Variants in MBL2 observed in about 807,000 individuals in gnomAD.
MBL2 encodes the protein mannose binding lectin 2, also known as mannose-binding protein C.
MBL2 carries 6 observed loss-of-function variants against 12.7 expected under a neutral mutation model. That is an observed-to-expected ratio of 0.47 (90% confidence interval 0.26 to 0.94). MBL2 has a LOEUF of 0.94. MBL2 is among the 40% of genes least tolerant of loss of function. The pLI is 0.15. For missense variants in MBL2, 307 were observed against 295.2 expected, an observed-to-expected ratio of 1.04 and a Z score of -0.29; for synonymous variants, 114 against 112.0, an observed-to-expected ratio of 1.02 and a Z score of -0.11.
intron 3 of MBL2, 115 bp downstream of exon 3, chr10:52,770,555 A>C: frequency 1.7e-6 from 1 of 583,994 alleles, no homozygotes; most frequent in South Asian, 5.6e-5. Flanking sequence ...ACTGGGTCAG[A>C]AAGCAAATTT....
At position 52,766,176 on chromosome 10, in the gene MBL2, A is replaced by T. The variant is rs1489748847; in HGVS notation, c.*1961T>A. The T allele has an allele frequency of 1.3e-5, 2 of 152,176 alleles. No individual in the cohort carries two copies. Among genetic ancestry groups the T allele is most frequent in the Non-Finnish European group, 2.9e-5 (2 of 68,032 alleles). 9.4% of individuals were successfully genotyped at this position (152,176 alleles called of 1,614,324 possible). On this transcript the variant is annotated 3_prime_UTR_variant, in exon 5 of 5. Coordinates refer to ENST00000674931, the MANE Select transcript of MBL2 (RefSeq NM_001378373.1). ...TCTGCATAAGTTGATTGATAGACTC[A>T]ATGTGGTCCCAGTAGAAACCTCATC...
intron 2 of MBL2, among the ~76,000 whole-genome samples, chr10:52,771,065 G>A (rs1589871891): frequency 6.6e-6 from 1 of 152,166 alleles, no homozygotes; most frequent in Non-Finnish European, 1.5e-5. Flanking sequence ...CACTGCTGCT[G>A]GATCTCCCTG....
chr10:52,770,716 C>A lies in MBL2; in HGVS notation c.258G>T (p.Gly86=), dbSNP rs755218871. The A allele has an allele frequency of 2.0e-6, 3 of 1,524,220 alleles. No individual in the cohort carries two copies. Among genetic ancestry groups the A allele is most frequent in the Non-Finnish European group, 2.7e-6 (3 of 1,127,892 alleles). The allele number at this position is 1,524,220 out of a possible 1,614,324, so 94.4% of individuals were successfully genotyped here. A position where few individuals can be genotyped will look rare whatever the true frequency, so the allele number is the denominator to read the frequency against. ...CTTTTTGGCCCTTTGGTCCTGGTGA[C>A]CCAGAAGGCCCTGGATTTCCTGGAG... ...LGPPGNPGPS[G]SPGPKGQKGD... Residue 86 remains glycine, a synonymous_variant, in exon 3 of 5, where the codon GGG becomes GGT. Transcript: ENST00000674931.
Position 52,768,047 on chromosome 10 carries a change from G to C in MBL2, c.*90C>G. The C allele has an allele frequency of 6.8e-7, 1 of 1,468,718 alleles. No homozygotes were observed. The highest frequency in any genetic ancestry group is 9.1e-7 in the Non-Finnish European group (1 of 1,095,388). The allele number at this position is 1,468,718 out of a possible 1,614,324, so 91.0% of individuals were successfully genotyped here. A position where few individuals can be genotyped will look rare whatever the true frequency, so the allele number is the denominator to read the frequency against. On this transcript the variant is annotated 3_prime_UTR_variant, in exon 5 of 5. Transcript: ENST00000674931. ...CCACAAAAGGAACAATACTGGATAT[G>C]AGGAAATTGATATAATTTATCTTTT...
In MBL2 at chr10:52,770,630, C is replaced by A. The variant is rs372992382; in HGVS notation, c.304+40G>T. The A allele has an allele frequency of 1.7e-4, 214 of 1,252,390 alleles. 2 individuals are homozygous for A. The highest frequency in any genetic ancestry group is 2.1e-4 in the Middle Eastern group (1 of 4,878). The allele number at this position is 1,252,390 out of a possible 1,614,324, so 77.6% of individuals were successfully genotyped here. A position where few individuals can be genotyped will look rare whatever the true frequency, so the allele number is the denominator to read the frequency against. ...TTACCAGATACTCAAGGTCTCAGAA[C>A]CCTGGGTGAAGTCAGCTCAGACCTT... On this transcript the variant is annotated intron_variant, in intron 3 of 4. Transcript: ENST00000674931.
Position 52,769,285 on chromosome 10 carries a change from C to A in MBL2, c.335G>T (p.Arg112Ile), listed in dbSNP as rs1032113091. The A allele has an allele frequency of 2.5e-6, 4 of 1,612,104 alleles. No individual in the cohort carries two copies. In the African/African-American group the frequency reaches 5.4e-5, roughly 22 times the overall value. ...TGCCATTTCTGTTTGCAGAGCTTTT[C>A]TTTCTGAGGCAGCCAGGCTACTATC... Reference protein sequence around the residue: ...DGDSSLAASERKALQTEMARI... With the variant: ...DGDSSLAASEIKALQTEMARI... Residue 112 changes from arginine (R) to isoleucine (I), a missense_variant, in exon 4 of 5, where the codon AGA (arginine) becomes ATA (isoleucine). Transcript: ENST00000674931.
In MBL2 at chr10:52,770,656, G is replaced by A. The variant is rs1287628139; in HGVS notation, c.304+14C>T. 2 of 1,423,794 alleles carry A rather than the reference G, an allele frequency of 1.4e-6. No individual in the cohort carries two copies. The highest frequency in any genetic ancestry group is 5.2e-5 in the East Asian group (2 of 38,510). The allele number at this position is 1,423,794 out of a possible 1,614,324, so 88.2% of individuals were successfully genotyped here. On this transcript the variant is annotated intron_variant, in intron 3 of 4. Coordinates refer to ENST00000674931, the MANE Select transcript of MBL2 (RefSeq NM_001378373.1). Reference sequence around the variant, plus strand: ...CCTGGGTGAAGTCAGCTCAGACCTTGCTGGGGTCCTTACCCGGACTTTTTC... The same window carrying A: ...CCTGGGTGAAGTCAGCTCAGACCTTACTGGGGTCCTTACCCGGACTTTTTC...
chr10:52,770,638 G>A (rs781171587), intron 3 of MBL2, 32 bp downstream of exon 3: 2 of 1,294,844 alleles, frequency 1.5e-6, no homozygotes, highest in Non-Finnish European at 2.0e-6. Context: ...AACCCTGGGT[G>A]AAGTCAGCTC....
rs185090310 is a variant in MBL2 at position 52,771,324 on chromosome 10, C to T, written c.187+125G>A. On this transcript the variant is annotated intron_variant, in intron 2 of 4. Transcript: ENST00000674931. The stretch of plus-strand genomic sequence containing the variant: ...AGATGCCAGAGAATGAGAGCTGAAT[C>T]TCTGTTTTGAGTTACAGTATAGTTG... 666 of 1,069,752 alleles carry T rather than the reference C, an allele frequency of 6.2e-4. 4 individuals carry two copies. Among genetic ancestry groups the T allele is most frequent in the Non-Finnish European group, 4.6e-5 (35 of 753,610 alleles). The allele number at this position is 1,069,752 out of a possible 1,614,324, so 66.3% of individuals were successfully genotyped here.
rs779484855 is a variant in MBL2, at chr10:52,768,143, A to G, written c.741T>C (p.Pro247=). The change falls in exon 5 of 5, where the codon CCT becomes CCC. Residue 247 remains proline (P), a synonymous_variant. Transcript: ENST00000674931. Reference sequence around the variant, plus strand: ...GCCTGAGTGATATGACCCTTCAGATAGGGAACTCACAGACGGCCAGATGGG... The same window carrying G: ...GCCTGAGTGATATGACCCTTCAGATGGGGAACTCACAGACGGCCAGATGGG... ...STSHLAVCEF[P]I 1.2e-5 allele frequency: 19 copies of G among 1,601,302 alleles called. No individual in the cohort carries two copies. Among genetic ancestry groups the G allele is most frequent in the Admixed American group, 1.7e-5 (1 of 59,394 alleles).
intron 3 of MBL2, among the ~76,000 whole-genome samples, chr10:52,769,917 A>T (rs1290415042): frequency 2.5e-5 from 2 of 78,912 alleles, no homozygotes; most frequent in African/African-American, 1.0e-4. Context: ...ACATGAGTCT[A>T]TTACCCCACT....
intron 1 of MBL2, 106 bp from the exon 2 acceptor site, chr10:52,771,750 T>C (rs1010361416): frequency 1.4e-6 from 2 of 1,448,190 alleles, no homozygotes; most frequent in Admixed American, 5.0e-5. Context: ...TAGAAATAGA[T>C]GACCCATCCC....
chr10:52,771,460 T>C lies in MBL2; in HGVS notation c.176A>G (p.Lys59Arg). Reference sequence around the variant, plus strand: ...AGCCCAACACGTACCTGGTTCCCCCTTTTCTCCCTTGGTGCCATCACGCCC... The same window carrying C: ...AGCCCAACACGTACCTGGTTCCCCCCTTTCTCCCTTGGTGCCATCACGCCC... The part of the protein sequence containing the change: ...KDGRDGTKGE[K>R]GEPGQGLRGL... The change falls in exon 2 of 5, where the codon AAG becomes AGG. Residue 59 changes from lysine to arginine, a missense_variant. Physicochemically the swap from Lys to Arg is conservative, Grantham distance 26. Coordinates refer to ENST00000674931, the MANE Select transcript of MBL2 (RefSeq NM_001378373.1). 6.2e-7 allele frequency: 1 copy of C among 1,613,726 alleles called. No individual in the cohort carries two copies.
intron 3 of MBL2, among the ~76,000 whole-genome samples, chr10:52,769,955 T>G (rs1840366587): frequency 6.6e-6 from 1 of 152,228 alleles, no homozygotes; most frequent in African/African-American, 2.4e-5. Context: ...CCTTGTGACT[T>G]GTTTTGACCA....
In MBL2 at chr10:52,771,577, G is replaced by GAGTAAGAC. The variant is rs1564436697; in HGVS notation, c.51_58dup (p.Ser20CysfsTer7). The stretch of plus-strand genomic sequence containing the variant: ...GGCATCCTCACAGGTCACAGTTTCT[G>GAGTAAGAC]AGTAAGACGCTGCCACCATACTCAG... On this transcript the variant is annotated frameshift_variant, in exon 2 of 5. Transcript: ENST00000674931. LOFTEE classifies it high-confidence loss of function. 1.2e-6 allele frequency: 2 copies of GAGTAAGAC among 1,613,980 alleles called. No individual in the cohort carries two copies. Among genetic ancestry groups the GAGTAAGAC allele is most frequent in the Non-Finnish European group, 1.7e-6 (2 of 1,179,912 alleles).
intron 3 of MBL2, among the ~76,000 whole-genome samples, chr10:52,770,043 T>C (rs1840367939): frequency 6.6e-6 from 1 of 152,220 alleles, no homozygotes; most frequent in African/African-American, 2.4e-5. Context: ...CTCTTGGGAA[T>C]CCTGTAATCA....
rs143562102 is a variant in MBL2 at position 52,770,672 on chromosome 10, G to A, written c.302C>T (p.Pro101Leu). 127 of 1,468,872 alleles carry A rather than the reference G, an allele frequency of 8.6e-5. No individual in the cohort carries two copies. Among genetic ancestry groups the A allele is most frequent in the Middle Eastern group, 5.5e-4 (3 of 5,408 alleles). The allele number at this position is 1,468,872 out of a possible 1,614,324, so 91.0% of individuals were successfully genotyped here. The change falls in exon 3 of 5, where the codon CCG becomes CTG. Residue 101 changes from proline (P) to leucine (L), a missense_variant and splice_region_variant. Transcript: ENST00000674931. ...KGQKGDPGKS[P>L]DGDSSLAASE... ...TCAGACCTTGCTGGGGTCCTTACCC[G>A]GACTTTTTCCAGGGTCTCCTTTTTG...
chr10:52,767,900 A>G lies in MBL2; in HGVS notation c.*237T>C. The G allele has an allele frequency of 2.8e-6, 1 of 363,120 alleles. No homozygotes were observed. Among genetic ancestry groups the G allele is most frequent in the Non-Finnish European group, 4.9e-6 (1 of 206,114 alleles). 22.5% of individuals were successfully genotyped at this position (363,120 alleles called of 1,614,324 possible). ...ATAATTAATGTAGGATGCAAAAGAT[A>G]GGGCCTCATAGTATATATTAAAAAT... is the stretch of plus-strand genomic sequence containing the variant. On this transcript the variant is annotated 3_prime_UTR_variant, in exon 5 of 5. Transcript: ENST00000674931.
At chr10:52,768,659 G>C (rs1217917696) in intron 4 of MBL2, 149 bp from the exon 5 acceptor site, 5 of 576,366 alleles carry the variant, frequency 8.7e-6, no homozygotes, top group Non-Finnish European at 1.5e-5. Context: ...GAATATTTTA[G>C]TATATCTCCC....
Sources: allele counts gnomAD v4.1 joint callset (sites outside exome capture counted in the v4.1 genomes callset), GRCh38; gene constraint gnomAD v4.1.1; transcripts MANE v1.5; gene names NCBI Gene and HGNC (gene_info 2026-07-23, HGNC 2026-07-21).